Variants in YTHDF3 observed in about 807,000 individuals in gnomAD.
The protein encoded by YTHDF3 is YTH N6-methyladenosine RNA binding protein F3.
A neutral mutation model predicts 52.5 loss-of-function variants in YTHDF3; 9 were observed. The observed-to-expected ratio is 0.17, with a 90% confidence interval of 0.10 to 0.30. The LOEUF is 0.30. Among genes scored for constraint, YTHDF3 ranks in the 10% least tolerant of loss-of-function variants. YTHDF3 has a pLI of 1.00. For synonymous variants in YTHDF3, 274 were observed against 243.3 expected (o/e 1.13, Z -1.18); for missense variants, 534 against 715.0 (o/e 0.75, Z 2.89).
At chr8:63,193,766 C>T (rs1809064889) in intron 4 of YTHDF3, among the ~76,000 whole-genome samples, 1 of 152,042 alleles carries the variant, frequency 6.6e-6, no homozygotes, top group Admixed American at 6.6e-5. Flanking sequence ...CGAGTCAGGA[C>T]TACAGTGAGA....
At chr8:63,185,561 A>G (rs1338169424) in intron 3 of YTHDF3, among the ~76,000 whole-genome samples, 1 of 152,236 alleles carries the variant, frequency 6.6e-6, no homozygotes, top group Non-Finnish European at 1.5e-5. Flanking sequence ...GCAAAGCAAA[A>G]CAAAAAGAAA....
rs535696989 is a variant in YTHDF3, at chr8:63,169,994, T to C, written c.49+583T>C. Among the ~76,000 whole-genome samples, 13 of 152,334 alleles carry C rather than the reference T, an allele frequency of 8.5e-5. No individual in the cohort carries two copies. The South Asian group carries it at 2.5e-3, about 29-fold the overall frequency. On this transcript the variant is annotated intron_variant, in intron 2 of 4. Transcript: ENST00000539294. Reference sequence around the variant, plus strand: ...ATAAAGGGCTGAGAAGAAAATAGTTTGTGACATTTTTTCCAGGATTTTATA... The same window carrying C: ...ATAAAGGGCTGAGAAGAAAATAGTTCGTGACATTTTTTCCAGGATTTTATA...
At chr8:63,182,739 G>C (rs1808225200) in intron 3 of YTHDF3, among the ~76,000 whole-genome samples, 1 of 152,054 alleles carries the variant, frequency 6.6e-6, no homozygotes, top group Admixed American at 6.6e-5. Flanking sequence ...TTCATATTCA[G>C]CCCACCTTTC....
At chr8:63,175,511 C>A in intron 3 of YTHDF3, 95 bp downstream of exon 3, 1 of 998,696 alleles carries the variant, frequency 1.0e-6, no homozygotes, top group Non-Finnish European at 1.5e-6. Flanking sequence ...TTAACCATAA[C>A]ATGGATTCAT....
At chr8:63,177,034 A>C (rs866907462) in intron 3 of YTHDF3, among the ~76,000 whole-genome samples, 3 of 152,306 alleles carry the variant, frequency 2.0e-5, no homozygotes, top group Middle Eastern at 3.4e-3. Flanking sequence ...GTGTGTGTAA[A>C]TTTGAAGAGT....
At chr8:63,199,733 G>T (rs1809477145) in intron 4 of YTHDF3, among the ~76,000 whole-genome samples, 1 of 152,064 alleles carries the variant, frequency 6.6e-6, no homozygotes, top group South Asian at 2.1e-4. Flanking sequence ...GTCATTTGAG[G>T]TGCTTAACTG....
intron 3 of YTHDF3, among the ~76,000 whole-genome samples, chr8:63,182,800 T>C (rs749738320): frequency 1.3e-4 from 20 of 152,194 alleles, no homozygotes; most frequent in Non-Finnish European, 2.2e-4. Context: ...ACTTGTCTTA[T>C]CCATTTAACT....
chr8:63,206,000 T>G (rs1240771477), intron 4 of YTHDF3, among the ~76,000 whole-genome samples: 1 of 152,240 alleles, frequency 6.6e-6, no homozygotes, highest in Non-Finnish European at 1.5e-5. Flanking sequence ...TCCTATCTGC[T>G]AACTCATGTA....
intron 2 of YTHDF3, 93 bp from the exon 3 acceptor site, chr8:63,175,238 C>T: frequency 1.1e-6 from 1 of 908,736 alleles, no homozygotes; most frequent in Non-Finnish European, 1.7e-6. Flanking sequence ...TTTCTGATTA[C>T]TTTTTTTGGC....
At chr8:63,175,592 T>A (rs994408467) in intron 3 of YTHDF3, 176 bp downstream of exon 3, 2 of 511,982 alleles carry the variant, frequency 3.9e-6, no homozygotes, top group Non-Finnish European at 7.1e-6. Flanking sequence ...GGAGAGTTCT[T>A]CTTCAGAAAG....
intron 4 of YTHDF3, among the ~76,000 whole-genome samples, chr8:63,197,600 TGTA>T: frequency 6.6e-6 from 1 of 152,292 alleles, no homozygotes; most frequent in East Asian, 1.9e-4. Context: ...TAGCGTGGCT[TGTA>T]GTACGGGAGA....
chr8:63,178,958 T>C (rs1807886493), intron 3 of YTHDF3, among the ~76,000 whole-genome samples: 1 of 152,218 alleles, frequency 6.6e-6, no homozygotes, highest in South Asian at 2.1e-4. Context: ...GTACACAGTG[T>C]GTTTTAAAAA....
intron 3 of YTHDF3, among the ~76,000 whole-genome samples, chr8:63,182,411 A>G (rs1808203594): frequency 6.6e-6 from 1 of 151,642 alleles, no homozygotes; most frequent in Non-Finnish European, 1.5e-5. Flanking sequence ...AAAGAAAAAA[A>G]CCCAAATAGG....
intron 3 of YTHDF3, among the ~76,000 whole-genome samples, chr8:63,181,760 G>A (rs1808153728): frequency 1.3e-5 from 2 of 152,188 alleles, no homozygotes; most frequent in Admixed American, 6.5e-5. Context: ...TTTATTTTTT[G>A]TCTCCAGTAA....
At chr8:63,200,292 A>G (rs575403733) in intron 4 of YTHDF3, among the ~76,000 whole-genome samples, 14 of 152,320 alleles carry the variant, frequency 9.2e-5, no homozygotes, top group African/African-American at 2.9e-4. Flanking sequence ...TGAGAGGGCA[A>G]TAGAGTAAGC....
At chr8:63,184,468 CT>C (rs1426116907) in intron 3 of YTHDF3, among the ~76,000 whole-genome samples, 7 of 152,184 alleles carry the variant, frequency 4.6e-5, no homozygotes, top group Non-Finnish European at 8.8e-5. Flanking sequence ...GTTAAGTTAG[CT>C]TTCTCATAGA....
At chr8:63,201,097 A>G (rs1036889214) in intron 4 of YTHDF3, among the ~76,000 whole-genome samples, 3 of 152,252 alleles carry the variant, frequency 2.0e-5, no homozygotes, top group Non-Finnish European at 2.9e-5. Context: ...TTGAGGAATC[A>G]TTTTTAAAGT....
chr8:63,185,816 A>G (rs1457875395), intron 3 of YTHDF3, among the ~76,000 whole-genome samples: 2 of 152,216 alleles, frequency 1.3e-5, no homozygotes, highest in Non-Finnish European at 1.5e-5. Flanking sequence ...CACAAAGTTT[A>G]TATATTAGCC....
At position 63,209,717 on chromosome 8, in the gene YTHDF3, A is replaced by G; in HGVS notation, c.*11A>G. ...AGAAACAAACAATAACCGTATGAAG[A>G]TGTCCTGTTAAATTTACAACACTAA... On this transcript the variant is annotated 3_prime_UTR_variant, in exon 5 of 5. Transcript: ENST00000539294. 1.9e-6 allele frequency: 3 copies of G among 1,573,248 alleles called. No homozygotes were observed. The highest frequency in any genetic ancestry group is 2.6e-6 in the Non-Finnish European group (3 of 1,165,406).
Sources: gnomAD v4.1 joint callset for allele counts (sites outside exome capture counted in the v4.1 genomes callset) on GRCh38, gnomAD v4.1.1 for gene constraint, MANE v1.5 for transcripts, NCBI Gene and HGNC (gene_info 2026-07-23, HGNC 2026-07-21) for gene names.